MYCBP2: variants seen among roughly 807,000 people sequenced by gnomAD.
The protein encoded by MYCBP2 is MYC binding protein 2.
Under a neutral mutation model 525.3 loss-of-function variants are expected in MYCBP2, and 120 were observed. The ratio of observed to expected loss-of-function variants is 0.23; its 90% CI spans 0.20 to 0.27. MYCBP2 has a LOEUF of 0.27. MYCBP2 is among the 10% of genes least tolerant of loss of function. MYCBP2 has a pLI of 1.00. For missense variants in MYCBP2, 4,149 were observed against 5,657.1 expected (o/e 0.73, Z 8.55); for synonymous variants, 1,894 against 1,955.8 (o/e 0.97, Z 0.83).
intron 82 of MYCBP2, among the ~76,000 whole-genome samples, chr13:77,048,287 C>A (rs1329424152): frequency 6.6e-6 from 1 of 152,158 alleles, no homozygotes; most frequent in Non-Finnish European, 1.5e-5. Context: ...GACACCTCGA[C>A]TGCTAATTCC....
intron 55 of MYCBP2, chr13:77,118,485 C>T (rs1446593557): frequency 1.3e-6 from 1 of 764,932 alleles, no homozygotes; most frequent in Non-Finnish European, 2.4e-6. Flanking sequence ...ATATGGCACT[C>T]AGTTGGTCAC....
Position 77,270,069 on chromosome 13 carries a change from A to G in MYCBP2, c.1189-6T>C. ...GTAGAATTGTATATATGGCCCTGCA[A>G]AAAAAACAAAAGTTAGTATATCAGT... On this transcript the variant is annotated splice_polypyrimidine_tract_variant and splice_region_variant and intron_variant, in intron 6 of 82. Coordinates refer to ENST00000544440, the MANE Select transcript of MYCBP2 (RefSeq NM_015057.5). 1 of 1,594,330 alleles carries G rather than the reference A, an allele frequency of 6.3e-7. No homozygotes were observed. The highest frequency in any genetic ancestry group is 8.5e-7 in the Non-Finnish European group (1 of 1,173,628).
intron 26 of MYCBP2, among the ~76,000 whole-genome samples, chr13:77,200,591 C>T (rs1410924594): frequency 6.6e-6 from 1 of 152,108 alleles, no homozygotes; most frequent in Non-Finnish European, 1.5e-5. Flanking sequence ...ACATAATTGT[C>T]AGATTTACCA....
At chr13:77,277,016 T>C (rs745946179) in intron 4 of MYCBP2, among the ~76,000 whole-genome samples, 1 of 151,966 alleles carries the variant, frequency 6.6e-6, no homozygotes. Context: ...CCAAAGCCAG[T>C]ATTAAGAACA....
chr13:77,288,825 C>G (rs1295444362), intron 2 of MYCBP2, among the ~76,000 whole-genome samples: 1 of 151,916 alleles, frequency 6.6e-6, no homozygotes, highest in East Asian at 1.9e-4. Flanking sequence ...GAGGGCCTCC[C>G]AAAAAAACAC....
chr13:77,068,408 T>TAAAAAAAAAAAAAA (rs57296816), intron 70 of MYCBP2, among the ~76,000 whole-genome samples, 157 bp downstream of exon 70: 1 of 146,002 alleles, frequency 6.8e-6, no homozygotes, highest in African/African-American at 2.6e-5. Context: ...CTATAAACAG[T>TAAAAAAAAAAAAAA]AAAAAAGGGA....
intron 47 of MYCBP2, among the ~76,000 whole-genome samples, chr13:77,148,663 A>T (rs2056002041): frequency 6.6e-6 from 1 of 152,246 alleles, no homozygotes; most frequent in African/African-American, 2.4e-5. Flanking sequence ...CCATGCTCAT[A>T]TGACTCACAC....
intron 40 of MYCBP2, among the ~76,000 whole-genome samples, chr13:77,167,258 G>A (rs1388249053): frequency 6.6e-6 from 1 of 152,070 alleles, no homozygotes; most frequent in Admixed American, 6.6e-5. Flanking sequence ...ACATGTGTGT[G>A]TATGTATAAC....
Position 77,081,745 on chromosome 13 carries a change from C to G in MYCBP2, c.11193+92G>C. On this transcript the variant is annotated intron_variant, in intron 64 of 82. Coordinates refer to ENST00000544440, the MANE Select transcript of MYCBP2 (RefSeq NM_015057.5). This position sits in a 1 kb window ranked among gnomAD's most constrained non-coding sequence, Gnocchi z 4.6. ...GTATAAGATAAAACATAATGGAAGA[C>G]AGGATCAAATTGATTATGAATAACT... The G allele has an allele frequency of 6.5e-7, 1 of 1,532,014 alleles. No individual in the cohort carries two copies. The highest frequency in any genetic ancestry group is 8.8e-7 in the Non-Finnish European group (1 of 1,135,472). 94.9% of individuals were successfully genotyped at this position (1,532,014 alleles called of 1,614,324 possible). A position where few individuals can be genotyped will look rare whatever the true frequency, so the allele number is the denominator to read the frequency against.
rs539646062 is a variant in MYCBP2 at position 77,210,382 on chromosome 13, C to T, written c.3416+785G>A. ...TAATTTTTCGTATTTTTAGTAGAGA[C>T]AGGGTTTCACTGTGTTAGCCAGGAT... is the stretch of plus-strand genomic sequence containing the variant. On this transcript the variant is annotated intron_variant, in intron 23 of 82. Coordinates refer to ENST00000544440, the MANE Select transcript of MYCBP2 (RefSeq NM_015057.5). Among the ~76,000 whole-genome samples the T allele has an allele frequency of 1.6e-4, 24 of 152,032 alleles. No individual in the cohort carries two copies. In the South Asian group the frequency reaches 3.5e-3, roughly 22 times the overall value.
chr13:77,162,888 C>T (rs2058105107), intron 43 of MYCBP2, among the ~76,000 whole-genome samples: 1 of 152,164 alleles, frequency 6.6e-6, no homozygotes, highest in African/African-American at 2.4e-5. Flanking sequence ...ATTTCCTGAC[C>T]TTGTGATCCA....
chr13:77,290,079 C>T (rs1006465659), intron 2 of MYCBP2, among the ~76,000 whole-genome samples: 10 of 152,054 alleles, frequency 6.6e-5, no homozygotes, highest in African/African-American at 2.4e-4. Context: ...GGAATAAACA[C>T]ATCAATATAG....
In MYCBP2 at chr13:77,261,279, T is replaced by C. The variant is rs1270237166; in HGVS notation, c.1744A>G (p.Ile582Val). ...VELPITKSPK[I>V]VHFSVGHDGS... ...TCGTGTCCAACTGAGAAGTGTACTA[T>C]CTTTGGAGATTTTGTAATTGGTAGC... Residue 582 changes from isoleucine to valine, a missense_variant, in exon 12 of 83, where the codon ATA becomes GTA. By Grantham distance (29) the Ile-to-Val change is conservative. Coordinates refer to ENST00000544440, the MANE Select transcript of MYCBP2 (RefSeq NM_015057.5). 6.2e-7 allele frequency: 1 copy of C among 1,613,692 alleles called. No individual in the cohort carries two copies. Among genetic ancestry groups the C allele is most frequent in the Non-Finnish European group, 8.5e-7 (1 of 1,179,752 alleles).
intron 5 of MYCBP2, among the ~76,000 whole-genome samples, chr13:77,271,696 G>T (rs142095220): frequency 0.022 from 3,394 of 152,274 alleles, 57 homozygotes; most frequent in Middle Eastern, 0.075. Context: ...CGTAAGACAT[G>T]ACTTGCTCCT....
At position 77,261,164 on chromosome 13, in the gene MYCBP2, AACTT is replaced by A; in HGVS notation, c.1852+3_1852+6del. 1 of 1,608,384 alleles carries A rather than the reference AACTT, an allele frequency of 6.2e-7. No homozygotes were observed. The highest frequency in any genetic ancestry group is 8.5e-7 in the Non-Finnish European group (1 of 1,176,070). The stretch of plus-strand genomic sequence containing the variant: ...TTATTAAATGCATAGTTGATCACTC[AACTT>A]ACTTGATTCTCCATCTTCTCCTTTA... On this transcript the variant is annotated splice_donor_5th_base_variant and intron_variant, in intron 12 of 82. Transcript: ENST00000544440.
At chr13:77,262,682 A>AAT (rs1057061719) in intron 10 of MYCBP2, among the ~76,000 whole-genome samples, 13 of 151,634 alleles carry the variant, frequency 8.6e-5, no homozygotes, top group Admixed American at 2.0e-4. Context: ...CATCAATTCA[A>AAT]ATATATATAT....
At chr13:77,231,035 T>G (rs2067059416) in intron 18 of MYCBP2, among the ~76,000 whole-genome samples, 1 of 152,198 alleles carries the variant, frequency 6.6e-6, no homozygotes, top group Non-Finnish European at 1.5e-5. Flanking sequence ...GGGAAATTAG[T>G]GAGCAGTAAA....
intron 3 of MYCBP2, among the ~76,000 whole-genome samples, chr13:77,286,545 A>G (rs1400582658): frequency 3.3e-5 from 5 of 150,712 alleles, no homozygotes; most frequent in African/African-American, 9.7e-5. Context: ...CGAGGTCAGG[A>G]GATCGAGACC....
intron 1 of MYCBP2, among the ~76,000 whole-genome samples, chr13:77,314,403 T>C (rs1451115698): frequency 6.6e-6 from 1 of 152,196 alleles, no homozygotes; most frequent in Non-Finnish European, 1.5e-5. Context: ...AACAGACAAA[T>C]TCTGGTACAT....
Sources: gnomAD v4.1 joint callset for allele counts (sites outside exome capture counted in the v4.1 genomes callset) on GRCh38, gnomAD v4.1.1 for gene constraint, Gnocchi (gnomAD v3.1) non-coding constraint, MANE v1.5 for transcripts, NCBI Gene and HGNC (gene_info 2026-07-23, HGNC 2026-07-21) for gene names.